The following RBFOX1 variants were observed in gnomAD, a reference collection of about 807,000 sequenced individuals.
The protein encoded by RBFOX1 is RNA binding protein fox-1 homolog 1.
In RBFOX1, 8 loss-of-function variants were observed where a neutral mutation model predicts 57.7. The ratio of observed to expected loss-of-function variants is 0.14; its 90% CI spans 0.08 to 0.25. The LOEUF (loss-of-function observed/expected upper bound fraction) is 0.25. Ranked by LOEUF, RBFOX1 falls within the 10% of genes least tolerant of loss-of-function variation. The pLI is 1.00. For synonymous variants in RBFOX1, 326 were observed against 222.4 expected (o/e 1.47, Z -4.15); for missense variants, 611 against 548.5 (o/e 1.11, Z -1.14).
At chr16:6,251,500 T>G (rs1241923911) in intron 1 of RBFOX1, among the ~76,000 whole-genome samples, 1 of 152,138 alleles carries the variant, frequency 6.6e-6, no homozygotes, top group East Asian at 1.9e-4. Flanking sequence ...AAAAGTTAGA[T>G]ATTTATTATA....
At chr16:7,674,415 T>G (rs192076850) in intron 13 of RBFOX1, among the ~76,000 whole-genome samples, 2 of 152,324 alleles carry the variant, frequency 1.3e-5, no homozygotes, top group Admixed American at 1.3e-4. Context: ...GCTACTCTGT[T>G]GGACAGCACA....
chr16:7,197,549 C>G (rs1022673420), intron 4 of RBFOX1, among the ~76,000 whole-genome samples: 1 of 150,828 alleles, frequency 6.6e-6, no homozygotes, highest in African/African-American at 2.4e-5. Context: ...AAAATTACCA[C>G]ATTACCAAGC....
At chr16:6,260,370 G>C (rs1217243071) in intron 1 of RBFOX1, among the ~76,000 whole-genome samples, 2 of 152,130 alleles carry the variant, frequency 1.3e-5, no homozygotes, top group Admixed American at 6.5e-5. Context: ...TCTGATTCCA[G>C]ATGACACATG....
At chr16:7,340,727 C>A (rs1446858752) in intron 4 of RBFOX1, among the ~76,000 whole-genome samples, 1 of 152,172 alleles carries the variant, frequency 6.6e-6, no homozygotes, top group African/African-American at 2.4e-5. Context: ...ATGACGTAGA[C>A]CTCCCATCAT....
At chr16:5,775,430 G>C (rs1426854796) in intron 3 of RBFOX1, among the ~76,000 whole-genome samples, 1 of 152,212 alleles carries the variant, frequency 6.6e-6, no homozygotes, top group Non-Finnish European at 1.5e-5. Flanking sequence ...AGCCAGGCTA[G>C]GACTGCTCAG....
At chr16:7,123,520 A>G (rs2067691005) in intron 4 of RBFOX1, among the ~76,000 whole-genome samples, 1 of 152,066 alleles carries the variant, frequency 6.6e-6, no homozygotes, top group Non-Finnish European at 1.5e-5. Flanking sequence ...GCACCTCAAC[A>G]TAATTGGCTA....
chr16:7,642,099 C>G (rs1203028252), intron 11 of RBFOX1, among the ~76,000 whole-genome samples: 1 of 151,952 alleles, frequency 6.6e-6, no homozygotes, highest in Non-Finnish European at 1.5e-5. Context: ...TGGGGGAGAC[C>G]CTGTCTCAAA....
At chr16:7,660,276 C>T (rs6501008) in intron 12 of RBFOX1, among the ~76,000 whole-genome samples, 147,824 of 152,334 alleles carry the variant, frequency 0.97, 71,881 homozygotes, top group East Asian at 1. Flanking sequence ...TGCAAAAGCA[C>T]ATTGAGTCCC....
chr16:7,394,977 C>G (rs1597356076), intron 4 of RBFOX1, among the ~76,000 whole-genome samples: 1 of 152,114 alleles, frequency 6.6e-6, no homozygotes. Flanking sequence ...ACTGTGTGAG[C>G]CTGTGTACGT....
At chr16:7,006,934 C>T (rs989961336) in intron 3 of RBFOX1, among the ~76,000 whole-genome samples, 9 of 152,272 alleles carry the variant, frequency 5.9e-5, no homozygotes, top group Non-Finnish European at 1.2e-4. Context: ...TTGTCTCTTC[C>T]ATGTTTTCGT....
chr16:7,034,580 G>T (rs1049121456), intron 3 of RBFOX1, among the ~76,000 whole-genome samples: 15 of 152,126 alleles, frequency 9.9e-5, no homozygotes, highest in African/African-American at 3.4e-4. Context: ...TTTAACTTCT[G>T]TGAAATATCC....
rs1345663268 is a variant in RBFOX1, at chr16:7,138,402, T to A, written c.27+86304T>A. 2.0e-5 allele frequency among the ~76,000 whole-genome samples: 3 copies of A among 152,158 alleles called. No individual in the cohort carries two copies. The East Asian group carries it at 5.8e-4, about 29-fold the overall frequency. On this transcript the variant is annotated intron_variant, in intron 4 of 15. Coordinates refer to ENST00000550418, the MANE Select transcript of RBFOX1 (RefSeq NM_018723.4). Reference sequence around the variant, plus strand: ...ATGTCACATGGGCAAGTCATGTAACTTTCTGGGACAAGATTTCCTTATTGG... The same window carrying A: ...ATGTCACATGGGCAAGTCATGTAACATTCTGGGACAAGATTTCCTTATTGG...
At chr16:7,516,210 A>G (rs1342521848) in intron 4 of RBFOX1, among the ~76,000 whole-genome samples, 1 of 152,164 alleles carries the variant, frequency 6.6e-6, no homozygotes, top group Admixed American at 6.5e-5. Context: ...CCGTGGAAAG[A>G]GAACTTCTTC....
At chr16:6,414,589 G>A (rs1354288456) in intron 2 of RBFOX1, among the ~76,000 whole-genome samples, 2 of 152,146 alleles carry the variant, frequency 1.3e-5, no homozygotes, top group Non-Finnish European at 2.9e-5. Context: ...AAGCAAAGGG[G>A]TCTCATTCGA....
intron 2 of RBFOX1, among the ~76,000 whole-genome samples, chr16:5,543,175 A>G (rs1044496498): frequency 7.9e-5 from 12 of 152,238 alleles, no homozygotes; most frequent in Non-Finnish European, 1.5e-5. Flanking sequence ...ATTTATTAGA[A>G]TGCCATAATA....
chr16:7,541,512 C>A (rs374405586), intron 5 of RBFOX1, among the ~76,000 whole-genome samples: 3 of 152,016 alleles, frequency 2.0e-5, no homozygotes, highest in Non-Finnish European at 2.9e-5. Flanking sequence ...TCAGTGTTCA[C>A]TGTCATTTAC....
At chr16:7,106,689 T>A (rs1286990728) in intron 4 of RBFOX1, among the ~76,000 whole-genome samples, 1 of 152,086 alleles carries the variant, frequency 6.6e-6, no homozygotes, top group Non-Finnish European at 1.5e-5. Flanking sequence ...CTACGATGTG[T>A]GAGCTCCATG....
intron 4 of RBFOX1, among the ~76,000 whole-genome samples, chr16:7,174,903 T>A (rs377732996): frequency 2.6e-5 from 4 of 152,310 alleles, no homozygotes; most frequent in South Asian, 4.2e-4. Flanking sequence ...GACAACTATT[T>A]GTATTACTTA....
chr16:5,933,966 G>A (rs1355797803), intron 4 of RBFOX1, among the ~76,000 whole-genome samples: 1 of 151,976 alleles, frequency 6.6e-6, no homozygotes, highest in Non-Finnish European at 1.5e-5. Flanking sequence ...CCTCAAGTAG[G>A]CGCCTGTGTC....
Sources: gnomAD v4.1 joint callset for allele counts (sites outside exome capture counted in the v4.1 genomes callset) on GRCh38, gnomAD v4.1.1 for gene constraint, MANE v1.5 for transcripts, NCBI Gene and HGNC (gene_info 2026-07-23, HGNC 2026-07-21) for gene names.